The following DRC11 variants were observed in gnomAD, a reference collection of about 807,000 sequenced individuals.
The protein encoded by DRC11 is IQ and AAA domain-containing protein 1.
the DRC11 span, among the ~76,000 whole-genome samples, chr2:236,474,097 T>TA: frequency 1.3e-5 from 2 of 152,154 alleles, no homozygotes; most frequent in Non-Finnish European, 2.9e-5. Context: ...TTTGGATTTT[T>TA]AAAAATGGTT....
the DRC11 span, chr2:236,368,032 G>A: frequency 4.1e-4 from 273 of 659,492 alleles, 2 homozygotes; most frequent in East Asian, 7.3e-3. Flanking sequence ...TTTGTGTGCT[G>A]GTGGGTGCAC....
chr2:236,374,991 G>A, the DRC11 span, among the ~76,000 whole-genome samples: 2 of 151,362 alleles, frequency 1.3e-5, no homozygotes, highest in African/African-American at 2.4e-5. Flanking sequence ...GTGAGCCACC[G>A]TGTCCAGCCT....
the DRC11 span, among the ~76,000 whole-genome samples, chr2:236,402,300 G>A: frequency 6.6e-6 from 1 of 152,308 alleles, no homozygotes; most frequent in African/African-American, 2.4e-5. The surrounding 1 kb of genome is among the most constrained non-coding windows in gnomAD (Gnocchi z 6.0). Context: ...CTCACTCAGA[G>A]GACACACCTC....
At chr2:236,479,609 G>A in the DRC11 span, among the ~76,000 whole-genome samples, 68 of 152,196 alleles carry the variant, frequency 4.5e-4, no homozygotes, top group African/African-American at 1.5e-3. The surrounding 1 kb of genome is among the most constrained non-coding windows in gnomAD (Gnocchi z 4.1). Context: ...TAGAAACAAA[G>A]GAAAAACTAA....
the DRC11 span, among the ~76,000 whole-genome samples, chr2:236,428,594 T>G: frequency 6.6e-6 from 1 of 152,216 alleles, no homozygotes; most frequent in Non-Finnish European, 1.5e-5. Flanking sequence ...AATATCTTTT[T>G]CTATCCCTTC....
the DRC11 span, among the ~76,000 whole-genome samples, chr2:236,379,308 G>A: frequency 4.3e-5 from 5 of 116,990 alleles, no homozygotes; most frequent in Admixed American, 1.6e-4. Flanking sequence ...CCCCAAACAG[G>A]GGAGCGACAG....
At chr2:236,408,688 C>CCT in the DRC11 span, 1 of 719,924 alleles carries the variant, frequency 1.4e-6, no homozygotes. The surrounding 1 kb of genome is among the most constrained non-coding windows in gnomAD (Gnocchi z 5.5). Context: ...TTGGTAAAGG[C>CCT]CTCCTTCTTA....
At chr2:236,333,596 G>A in the DRC11 span, among the ~76,000 whole-genome samples, 3 of 152,138 alleles carry the variant, frequency 2.0e-5, no homozygotes, top group Admixed American at 6.5e-5. The surrounding 1 kb of genome is among the most constrained non-coding windows in gnomAD (Gnocchi z 6.0). Flanking sequence ...TCATGCTTGC[G>A]GACTTGGTTC....
chr2:236,364,001 G>T, the DRC11 span: 15 of 1,597,538 alleles, frequency 9.4e-6, no homozygotes, highest in Non-Finnish European at 1.3e-5. Flanking sequence ...AGAGGCAAAG[G>T]TGCTAATGTT....
the DRC11 span, among the ~76,000 whole-genome samples, chr2:236,485,463 G>C: frequency 8.5e-5 from 13 of 152,158 alleles, no homozygotes; most frequent in African/African-American, 2.9e-4. Flanking sequence ...ATCAAGCCAA[G>C]TAGCTCACCA....
At chr2:236,314,495 G>A in the DRC11 span, among the ~76,000 whole-genome samples, 2 of 152,146 alleles carry the variant, frequency 1.3e-5, no homozygotes, top group African/African-American at 4.8e-5. This position sits in a 1 kb window ranked among gnomAD's most constrained non-coding sequence, Gnocchi z 4.5. Context: ...AAAAAGCTAT[G>A]AGAATTGCAA....
the DRC11 span, among the ~76,000 whole-genome samples, chr2:236,397,497 A>G: frequency 2.6e-5 from 4 of 152,224 alleles, no homozygotes; most frequent in African/African-American, 9.6e-5. The surrounding 1 kb of genome is among the most constrained non-coding windows in gnomAD (Gnocchi z 5.0). Flanking sequence ...AAGTCAGCAA[A>G]GGCCAAGGAA....
At chr2:236,340,375 C>T in the DRC11 span, among the ~76,000 whole-genome samples, 10 of 152,290 alleles carry the variant, frequency 6.6e-5, no homozygotes, top group South Asian at 2.1e-4. Flanking sequence ...CTGCCCGCTT[C>T]GGCCTCCCAA....
chr2:236,412,209 A>G, the DRC11 span, among the ~76,000 whole-genome samples: 2 of 152,214 alleles, frequency 1.3e-5, no homozygotes, highest in East Asian at 3.9e-4. Flanking sequence ...CTCACTTCTC[A>G]TGGCAGAGGG....
the DRC11 span, among the ~76,000 whole-genome samples, chr2:236,389,766 GTTGT>G: frequency 6.6e-6 from 1 of 152,142 alleles, no homozygotes; most frequent in Non-Finnish European, 1.5e-5. Flanking sequence ...TCAAGAGTGT[GTTGT>G]TTAATTTCCG....
At chr2:236,398,708 C>T in the DRC11 span, among the ~76,000 whole-genome samples, 1 of 152,158 alleles carries the variant, frequency 6.6e-6, no homozygotes, top group African/African-American at 2.4e-5. The surrounding 1 kb of genome is among the most constrained non-coding windows in gnomAD (Gnocchi z 6.2). Context: ...CGGATCCAGC[C>T]AGATGACAGC....
the DRC11 span, among the ~76,000 whole-genome samples, chr2:236,505,947 C>T: frequency 6.6e-6 from 1 of 152,164 alleles, no homozygotes; most frequent in African/African-American, 2.4e-5. Flanking sequence ...AAAGAGTTAG[C>T]TATGCTCACC....
At chr2:236,358,398 CAT>C in the DRC11 span, among the ~76,000 whole-genome samples, 732 of 127,068 alleles carry the variant, frequency 5.8e-3, 19 homozygotes, top group African/African-American at 0.02. Flanking sequence ...ATATGAATAT[CAT>C]ATATAAATAT....
the DRC11 span, chr2:236,408,383 C>T: frequency 1.3e-6 from 1 of 749,428 alleles, no homozygotes; most frequent in Non-Finnish European, 2.5e-6. This position sits in a 1 kb window ranked among gnomAD's most constrained non-coding sequence, Gnocchi z 5.5. Context: ...TGACTTGTGA[C>T]CCCTTTGTAG....
Sources: allele counts gnomAD v4.1 joint callset (sites outside exome capture counted in the v4.1 genomes callset), GRCh38; gene constraint gnomAD v4.1.1; non-coding constraint Gnocchi (gnomAD v3.1); transcripts MANE v1.5; gene names NCBI Gene and HGNC (gene_info 2026-07-23, HGNC 2026-07-21).